Variants in ATP8A2 observed in about 807,000 individuals in gnomAD.
The protein encoded by ATP8A2 is phospholipid-transporting ATPase IB.
ATP8A2 carries 100 observed loss-of-function variants against 165.6 expected under a neutral mutation model. The ratio of observed to expected loss-of-function variants is 0.60; its 90% confidence interval spans 0.51 to 0.71. The LOEUF (loss-of-function observed/expected upper bound fraction) is 0.71. Among genes scored for constraint, ATP8A2 ranks in the 30% least tolerant of loss-of-function variants. The pLI is 0.00. For missense variants in ATP8A2, 1,227 were observed against 1,479.5 expected, an observed-to-expected ratio of 0.83 and a Z score of 2.80; for synonymous variants, 543 against 548.8, an observed-to-expected ratio of 0.99 and a Z score of 0.15.
chr13:25,923,860 A>G (rs1954527639), intron 33 of ATP8A2, among the ~76,000 whole-genome samples: 1 of 152,184 alleles, frequency 6.6e-6, no homozygotes, highest in Non-Finnish European at 1.5e-5. Context: ...CCACATAGGT[A>G]GATTATGTAA....
intron 24 of ATP8A2, among the ~76,000 whole-genome samples, chr13:25,628,841 G>A (rs1441836846): frequency 6.6e-6 from 1 of 152,170 alleles, no homozygotes; most frequent in Non-Finnish European, 1.5e-5. Context: ...TTCAGGTAAG[G>A]TCACAGGCTG....
intron 28 of ATP8A2, among the ~76,000 whole-genome samples, chr13:25,834,059 T>C (rs1165514273): frequency 3.9e-5 from 6 of 152,200 alleles, no homozygotes; most frequent in African/African-American, 1.2e-4. Context: ...AACTCACTGA[T>C]AGTTGGGGAA....
At chr13:25,848,387 T>C (rs754922911) in intron 30 of ATP8A2, among the ~76,000 whole-genome samples, 6 of 152,186 alleles carry the variant, frequency 3.9e-5, no homozygotes, top group African/African-American at 1.2e-4. Flanking sequence ...CCATATCTGA[T>C]TGGCAAGAAC....
chr13:25,986,580 C>T (rs1593674251), intron 35 of ATP8A2, among the ~76,000 whole-genome samples: 1 of 152,260 alleles, frequency 6.6e-6, no homozygotes, highest in Middle Eastern at 3.4e-3. Context: ...TGTATATGTA[C>T]CACATTTTCT....
intron 27 of ATP8A2, among the ~76,000 whole-genome samples, chr13:25,781,728 G>A (rs2044884504): frequency 6.6e-6 from 1 of 152,132 alleles, no homozygotes; most frequent in African/African-American, 2.4e-5. Context: ...CTGACCTCAA[G>A]TGATCCACCC....
At chr13:25,505,957 G>A (rs1331105523) in intron 2 of ATP8A2, among the ~76,000 whole-genome samples, 2 of 152,192 alleles carry the variant, frequency 1.3e-5, no homozygotes, top group Non-Finnish European at 2.9e-5. Flanking sequence ...ACTGCAGAGT[G>A]TAGAGCTAGA....
intron 25 of ATP8A2, among the ~76,000 whole-genome samples, chr13:25,716,212 A>G (rs959792987): frequency 7.9e-5 from 12 of 152,188 alleles, no homozygotes; most frequent in Admixed American, 5.9e-4. Context: ...AATTCTTTAT[A>G]TAGTCTTAAT....
At chr13:25,835,934 G>C (rs115901047) in intron 28 of ATP8A2, among the ~76,000 whole-genome samples, 1 of 152,118 alleles carries the variant, frequency 6.6e-6, no homozygotes, top group Admixed American at 6.6e-5. Flanking sequence ...TCTGGAATTG[G>C]GTAACATCTC....
intron 24 of ATP8A2, among the ~76,000 whole-genome samples, chr13:25,630,847 C>A (rs1355511556): frequency 6.6e-6 from 1 of 151,942 alleles, no homozygotes; most frequent in African/African-American, 2.4e-5. Flanking sequence ...AAAAAAAAAT[C>A]CTTAGGGTCC....
chr13:25,803,324 C>T lies in ATP8A2; in HGVS notation c.2680-24794C>T, dbSNP rs890090143. On this transcript the variant is annotated intron_variant, in intron 27 of 36. Transcript: ENST00000381655. ...ACAGGATTGTACCAGATGTAAAAAACGAGTTTAATATAAACTCATCAATTT... is the reference window on the plus strand; with the variant it reads ...ACAGGATTGTACCAGATGTAAAAAATGAGTTTAATATAAACTCATCAATTT... Among the ~76,000 whole-genome samples, 5 of 152,184 alleles carry T rather than the reference C, an allele frequency of 3.3e-5. No homozygotes were observed. In the South Asian group the frequency reaches 1.0e-3, roughly 32 times the overall value.
At chr13:25,977,026 T>TCCACCCCCACACCCACCC (rs1956060033) in intron 35 of ATP8A2, among the ~76,000 whole-genome samples, 2 of 125,370 alleles carry the variant, frequency 1.6e-5, no homozygotes, top group African/African-American at 3.2e-5. Flanking sequence ...GACCTTGTGA[T>TCCACCCCCACACCCACCC]CCACCCCCAC....
intron 2 of ATP8A2, among the ~76,000 whole-genome samples, chr13:25,514,743 T>C (rs757070512): frequency 9.2e-5 from 14 of 152,164 alleles, no homozygotes; most frequent in Non-Finnish European, 1.8e-4. Context: ...ATACCTCCCT[T>C]TGCTTTCTAT....
At chr13:25,610,182 C>G (rs960901611) in intron 24 of ATP8A2, among the ~76,000 whole-genome samples, 4 of 152,062 alleles carry the variant, frequency 2.6e-5, no homozygotes, top group Non-Finnish European at 4.4e-5. Context: ...GTTACAAAGT[C>G]TTTGCCTAAG....
At chr13:25,905,017 C>T (rs1055964613) in intron 33 of ATP8A2, among the ~76,000 whole-genome samples, 15 of 152,246 alleles carry the variant, frequency 9.9e-5, no homozygotes, top group African/African-American at 2.9e-4. Context: ...AGCATGTGTA[C>T]GCCCCACCCC....
chr13:26,018,878 G>A (rs1197392422), intron 36 of ATP8A2, among the ~76,000 whole-genome samples: 1 of 152,184 alleles, frequency 6.6e-6, no homozygotes, highest in Non-Finnish European at 1.5e-5. Context: ...AGGATTAAAT[G>A]AGCTTTATTT....
In ATP8A2 at chr13:25,563,949, C is replaced by A; in HGVS notation, c.1398-7C>A. 1 of 1,604,028 alleles carries A rather than the reference C, an allele frequency of 6.2e-7. No homozygotes were observed. The highest frequency in any genetic ancestry group is 8.5e-7 in the Non-Finnish European group (1 of 1,170,832). ...ATTGAATAAATTTTCTCTGTTCTCTCTTACAGTCGGATGCCTCCTCCCTGT... is the reference window on the plus strand; with the variant it reads ...ATTGAATAAATTTTCTCTGTTCTCTATTACAGTCGGATGCCTCCTCCCTGT... On this transcript the variant is annotated splice_region_variant and splice_polypyrimidine_tract_variant and intron_variant, in intron 15 of 36. Coordinates refer to ENST00000381655, the MANE Select transcript of ATP8A2 (RefSeq NM_016529.6).
chr13:25,694,436 CAA>C (rs1250527643), intron 24 of ATP8A2, among the ~76,000 whole-genome samples: 2 of 152,140 alleles, frequency 1.3e-5, no homozygotes, highest in African/African-American at 2.4e-5. Context: ...ACGTGCTTCT[CAA>C]GAGGTTTTTC....
At chr13:26,016,345 C>T (rs1956973487) in intron 36 of ATP8A2, among the ~76,000 whole-genome samples, 1 of 152,204 alleles carries the variant, frequency 6.6e-6, no homozygotes, top group African/African-American at 2.4e-5. Context: ...TCTTCTCTGC[C>T]TGTCTCTTCA....
In ATP8A2 at chr13:25,436,831, A is replaced by C. The variant is rs57796226; in HGVS notation, c.77-32146A>C. Among the ~76,000 whole-genome samples the C allele has an allele frequency of 2.6e-5, 4 of 150,968 alleles. 1 individual carries two copies. Among genetic ancestry groups the C allele is most frequent in the Admixed American group, 2.6e-4 (4 of 15,166 alleles). On this transcript the variant is annotated intron_variant, in intron 1 of 36. Transcript: ENST00000381655. Reference sequence around the variant, plus strand: ...CACTCTGTCACCTAGGCTGGAGTCCAGTGGCACAATCACAGTTCCACTGCA... The same window carrying C: ...CACTCTGTCACCTAGGCTGGAGTCCCGTGGCACAATCACAGTTCCACTGCA...
Sources: allele counts gnomAD v4.1 joint callset (sites outside exome capture counted in the v4.1 genomes callset), GRCh38; gene constraint gnomAD v4.1.1; transcripts MANE v1.5; gene names NCBI Gene and HGNC (gene_info 2026-07-23, HGNC 2026-07-21).